The following FOXN3 variants were observed in gnomAD, a reference collection of about 807,000 sequenced individuals.
The protein encoded by FOXN3 is forkhead box N3, also known as forkhead box protein N3.
A neutral mutation model predicts 38.4 loss-of-function variants in FOXN3; 7 were observed. That is an observed-to-expected ratio of 0.18 (90% CI 0.10 to 0.34). The LOEUF is 0.34. Among genes scored for constraint, FOXN3 ranks in the 10% least tolerant of loss-of-function variants. FOXN3 has a pLI of 1.00. For missense variants in FOXN3, 456 were observed against 613.4 expected (o/e 0.74, Z 2.71); for synonymous variants, 230 against 242.2 (o/e 0.95, Z 0.47).
intron 1 of FOXN3, among the ~76,000 whole-genome samples, chr14:89,432,094 A>T (rs1347180868): frequency 1.3e-5 from 2 of 152,242 alleles, no homozygotes; most frequent in African/African-American, 4.8e-5. Flanking sequence ...AATCATAAAG[A>T]ACATCGCATT....
At chr14:89,180,060 C>T (rs1207128795) in intron 5 of FOXN3, among the ~76,000 whole-genome samples, 1 of 152,202 alleles carries the variant, frequency 6.6e-6, no homozygotes, top group Non-Finnish European at 1.5e-5. Context: ...TGGGAGGAGG[C>T]TCCGCCAATG....
chr14:89,268,602 G>C (rs1886054110), intron 4 of FOXN3, among the ~76,000 whole-genome samples: 1 of 152,192 alleles, frequency 6.6e-6, no homozygotes. Flanking sequence ...GTGCGTCTCT[G>C]GGCTGGTGCC....
intron 4 of FOXN3, among the ~76,000 whole-genome samples, chr14:89,254,287 C>A (rs1871953161): frequency 6.6e-6 from 1 of 152,222 alleles, no homozygotes; most frequent in Non-Finnish European, 1.5e-5. Context: ...GCCATGCTAT[C>A]CTGCCTTCTG....
At chr14:89,453,971 G>C (rs1474635702) in intron 1 of FOXN3, among the ~76,000 whole-genome samples, 1 of 151,680 alleles carries the variant, frequency 6.6e-6, no homozygotes, top group Non-Finnish European at 1.5e-5. Context: ...AGATCGTGAG[G>C]GTGGGGTCCC....
At position 89,180,086 on chromosome 14, in the gene FOXN3, G is replaced by A. The variant is rs77775454; in HGVS notation, c.851+615C>T. 4.1e-3 allele frequency among the ~76,000 whole-genome samples: 620 copies of A among 152,356 alleles called. 5 individuals carry two copies. Among genetic ancestry groups the A allele is most frequent in the African/African-American group, 0.014 (601 of 41,580 alleles). On this transcript the variant is annotated intron_variant, in intron 5 of 5. Coordinates refer to ENST00000557258, the MANE Select transcript of FOXN3 (RefSeq NM_005197.4). ...TCCGCCAATGGTGCCTATGAGGGCCGCAGGCTGGCGGTGGACCCTGATCCG... is the reference window on the plus strand; with the variant it reads ...TCCGCCAATGGTGCCTATGAGGGCCACAGGCTGGCGGTGGACCCTGATCCG...
intron 3 of FOXN3, among the ~76,000 whole-genome samples, chr14:89,314,339 G>A (rs1887661279): frequency 6.6e-6 from 1 of 152,116 alleles, no homozygotes; most frequent in Non-Finnish European, 1.5e-5. Context: ...ACTACACTAG[G>A]CTGGTAATCT....
chr14:89,568,583 C>T (rs1307734208), intron 1 of FOXN3, among the ~76,000 whole-genome samples: 2 of 152,220 alleles, frequency 1.3e-5, no homozygotes, highest in Non-Finnish European at 2.9e-5. Context: ...CTCCTCAGGG[C>T]TGGCCCCTAA....
chr14:89,432,810 T>C (rs1195239742), intron 1 of FOXN3, among the ~76,000 whole-genome samples: 4 of 152,144 alleles, frequency 2.6e-5, no homozygotes, highest in Non-Finnish European at 5.9e-5. Flanking sequence ...GGCATTGGTT[T>C]GGTTTGAGTT....
At chr14:89,375,228 T>C (rs1268908427) in intron 2 of FOXN3, among the ~76,000 whole-genome samples, 2 of 152,144 alleles carry the variant, frequency 1.3e-5, no homozygotes, top group Non-Finnish European at 2.9e-5. Context: ...TTTCAATGGG[T>C]ATATTATTTT....
At chr14:89,225,606 AAAAAAT>A (rs922488536) in intron 4 of FOXN3, among the ~76,000 whole-genome samples, 2 of 152,192 alleles carry the variant, frequency 1.3e-5, no homozygotes, top group African/African-American at 4.8e-5. Context: ...TCCGTCTCAA[AAAAAAT>A]AAAAATAAAA....
chr14:89,290,300 G>T, intron 3 of FOXN3: 1 of 336,554 alleles, frequency 3.0e-6, no homozygotes, highest in East Asian at 8.2e-5. Context: ...ATTCATTTTG[G>T]ATGATATGAT....
chr14:89,599,286 T>C lies in FOXN3; in HGVS notation c.-15+19742A>G, dbSNP rs570734501. ...AGTACACATTCAATGGTTTTAGTCA[T>C]TAATTCATTTATGCAACCATAACCA... is the stretch of plus-strand genomic sequence containing the variant. On this transcript the variant is annotated intron_variant, in intron 1 of 6. Transcript: ENST00000345097. Among the ~76,000 whole-genome samples the C allele has an allele frequency of 7.9e-5, 12 of 152,330 alleles. No individual in the cohort carries two copies. The South Asian group carries it at 2.5e-3, about 32-fold the overall frequency.
intron 2 of FOXN3, among the ~76,000 whole-genome samples, chr14:89,410,872 C>T (rs970574513): frequency 1.2e-4 from 18 of 147,718 alleles, no homozygotes; most frequent in Non-Finnish European, 2.4e-4. Context: ...GACCCTGGTC[C>T]CAAAAAAAAA....
At chr14:89,336,257 T>C (rs978325663) in intron 3 of FOXN3, among the ~76,000 whole-genome samples, 1 of 151,072 alleles carries the variant, frequency 6.6e-6, no homozygotes, top group Admixed American at 6.6e-5. Context: ...CATTCATCCA[T>C]CCACACAGAA....
intron 1 of FOXN3, among the ~76,000 whole-genome samples, chr14:89,433,798 C>T (rs1257697367): frequency 2.0e-5 from 3 of 146,690 alleles, no homozygotes; most frequent in Non-Finnish European, 4.5e-5. Context: ...GGTGAAAGAG[C>T]GAAACTCTGT....
intron 3 of FOXN3, among the ~76,000 whole-genome samples, chr14:89,343,446 T>C (rs1203518283): frequency 6.6e-6 from 1 of 151,236 alleles, no homozygotes; most frequent in Non-Finnish European, 1.5e-5. Context: ...CTCTGTACAA[T>C]TTCTATACCC....
intron 4 of FOXN3, among the ~76,000 whole-genome samples, chr14:89,244,002 T>C (rs887172254): frequency 1.3e-5 from 2 of 152,214 alleles, no homozygotes; most frequent in African/African-American, 2.4e-5. Flanking sequence ...GAAAAGCTCA[T>C]TGCACTGATG....
chr14:89,292,140 G>A (rs960971471), intron 3 of FOXN3, among the ~76,000 whole-genome samples: 6 of 152,072 alleles, frequency 3.9e-5, no homozygotes, highest in African/African-American at 9.7e-5. Context: ...CTGCCTGCGC[G>A]TGCATCTTCT....
intron 4 of FOXN3, among the ~76,000 whole-genome samples, chr14:89,238,575 C>CT (rs1398207406): frequency 2.0e-5 from 3 of 152,200 alleles, no homozygotes; most frequent in Non-Finnish European, 4.4e-5. Context: ...CACACAGTGG[C>CT]TTAAGGGGTC....
Sources: allele counts gnomAD v4.1 joint callset (sites outside exome capture counted in the v4.1 genomes callset), GRCh38; gene constraint gnomAD v4.1.1; transcripts MANE v1.5; gene names NCBI Gene and HGNC (gene_info 2026-07-23, HGNC 2026-07-21).